The following PAX2 variants were observed in gnomAD, a reference collection of about 807,000 sequenced individuals.
PAX2 encodes the protein paired box 2, also known as paired box protein Pax-2.
In PAX2, 9 loss-of-function variants were observed where a neutral mutation model predicts 41.7. The ratio of observed to expected loss-of-function variants is 0.22; its 90% CI spans 0.13 to 0.38. The LOEUF (loss-of-function observed/expected upper bound fraction) is 0.38. PAX2 is among the 10% of genes least tolerant of loss of function. The pLI, the probability that PAX2 is intolerant of heterozygous loss-of-function variation, is 1.00. For missense variants in PAX2, 418 were observed against 531.6 expected (o/e 0.79, Z 2.10); for synonymous variants, 221 against 212.7 (o/e 1.04, Z -0.34).
At chr10:100,800,748 C>T (rs1316669314) in intron 5 of PAX2, among the ~76,000 whole-genome samples, 1 of 152,118 alleles carries the variant, frequency 6.6e-6, no homozygotes, top group Non-Finnish European at 1.5e-5. Context: ...AGGGCCCTGA[C>T]CTGGGGTGAG....
chr10:100,777,468 C>T (rs1846438805), intron 3 of PAX2, among the ~76,000 whole-genome samples: 1 of 147,106 alleles, frequency 6.8e-6, no homozygotes, highest in Non-Finnish European at 1.5e-5. Context: ...GATCTTGGCT[C>T]ACTGCAACCT....
At chr10:100,795,427 G>A (rs1324857505) in intron 5 of PAX2, among the ~76,000 whole-genome samples, 2 of 152,152 alleles carry the variant, frequency 1.3e-5, no homozygotes, top group Non-Finnish European at 2.9e-5. Flanking sequence ...AAAAACAAAG[G>A]AGCAGTTGCT....
chr10:100,815,225 G>C (rs114988801), intron 7 of PAX2, among the ~76,000 whole-genome samples: 6 of 152,292 alleles, frequency 3.9e-5, no homozygotes, highest in African/African-American at 1.2e-4. Flanking sequence ...GCCAGCCCCC[G>C]GGGGAGGAGA....
At chr10:100,761,051 G>C (rs559161311) in intron 3 of PAX2, among the ~76,000 whole-genome samples, 24 of 152,334 alleles carry the variant, frequency 1.6e-4, no homozygotes, top group African/African-American at 5.5e-4. Flanking sequence ...GACTCCAGAT[G>C]AGAGCGAGGG....
chr10:100,804,627 C>T (rs1025512327), intron 5 of PAX2, among the ~76,000 whole-genome samples: 2 of 152,214 alleles, frequency 1.3e-5, no homozygotes, highest in Non-Finnish European at 2.9e-5. Context: ...CCTCACAGTC[C>T]TCATGCAATC....
rs753431059 is a variant in PAX2, at chr10:100,779,543, T to C, written c.456T>C (p.Asp152=). Residue 152 remains aspartate (D), a synonymous_variant, in exon 4 of 10, where the codon GAT becomes GAC. Coordinates refer to ENST00000355243, the MANE Select transcript of PAX2 (RefSeq NM_000278.5). ...KVQQPFHPTP[D]GAGTGVTAPG... ...AGCAGCCTTTCCACCCAACGCCGGA[T>C]GGGGCTGGGACAGGAGTGACCGCCC... 1.3e-6 allele frequency: 2 copies of C among 1,597,144 alleles called. No homozygotes were observed. The highest frequency in any genetic ancestry group is 2.3e-5 in the South Asian group (2 of 87,362).
chr10:100,796,619 T>G (rs1196472340), intron 5 of PAX2, among the ~76,000 whole-genome samples: 2 of 152,216 alleles, frequency 1.3e-5, no homozygotes, highest in Non-Finnish European at 2.9e-5. Flanking sequence ...CGTGGAATTA[T>G]GGTCTCTTTT....
In PAX2 at chr10:100,775,202, C is replaced by G. The variant is rs1846343275; in HGVS notation, c.411-4296C>G. Among the ~76,000 whole-genome samples the G allele has an allele frequency of 2.6e-5, 4 of 152,192 alleles. No individual in the cohort carries two copies. In the South Asian group the frequency reaches 8.3e-4, roughly 32 times the overall value. ...CCGTGGAGGTTTGATGTGTGTCTGG[C>G]TGTCTTGTGAGGCCAAGTATGAAAA... On this transcript the variant is annotated intron_variant, in intron 3 of 9. Coordinates refer to ENST00000355243, the MANE Select transcript of PAX2 (RefSeq NM_000278.5).
intron 3 of PAX2, among the ~76,000 whole-genome samples, chr10:100,765,871 C>G (rs1846004922): frequency 1.3e-5 from 2 of 152,310 alleles, no homozygotes; most frequent in South Asian, 4.1e-4. Flanking sequence ...TATACACATA[C>G]ACAGGCCAAT....
In PAX2 at chr10:100,746,315, C is replaced by G. The variant is rs762481540; in HGVS notation, c.43+12C>G. ...CTCCGCGATGCACCGTGAGTACCGG[C>G]GCCCGGCTCCTGTCCCGGCTCGGGG... On this transcript the variant is annotated intron_variant, in intron 1 of 9. Transcript: ENST00000355243. 4.5e-6 allele frequency: 7 copies of G among 1,544,622 alleles called. No individual in the cohort carries two copies. The highest frequency in any genetic ancestry group is 6.3e-6 in the Non-Finnish European group (7 of 1,116,992).
At chr10:100,766,890 A>T (rs1846048509) in intron 3 of PAX2, among the ~76,000 whole-genome samples, 1 of 152,230 alleles carries the variant, frequency 6.6e-6, no homozygotes, top group African/African-American at 2.4e-5. Context: ...AATCTCTGAG[A>T]CATACATTAG....
chr10:100,814,109 G>C (rs1848099843), intron 7 of PAX2, among the ~76,000 whole-genome samples: 1 of 152,134 alleles, frequency 6.6e-6, no homozygotes, highest in South Asian at 2.1e-4. Flanking sequence ...AGCACTTTGG[G>C]AGGCCGAGGC....
chr10:100,756,422 C>A (rs1395149606), intron 3 of PAX2, among the ~76,000 whole-genome samples: 1 of 152,196 alleles, frequency 6.6e-6, no homozygotes, highest in African/African-American at 2.4e-5. Flanking sequence ...GTAAAAGTGA[C>A]AAGCATCCAG....
intron 6 of PAX2, among the ~76,000 whole-genome samples, chr10:100,807,287 G>A (rs1847825122): frequency 1.3e-5 from 2 of 151,822 alleles, no homozygotes; most frequent in African/African-American, 4.8e-5. Flanking sequence ...CCATCCACCT[G>A]CTCCCCTCAC....
At chr10:100,811,314 C>T (rs1343224345) in intron 7 of PAX2, among the ~76,000 whole-genome samples, 1 of 152,206 alleles carries the variant, frequency 6.6e-6, no homozygotes, top group Non-Finnish European at 1.5e-5. Flanking sequence ...ATTTTATGTC[C>T]TCCTAATTTG....
rs781523465 is a variant in PAX2 at position 100,827,588 on chromosome 10, C to A, written c.1154C>A (p.Ala385Asp). 29 of 1,613,648 alleles carry A rather than the reference C, an allele frequency of 1.8e-5. No individual in the cohort carries two copies. The highest frequency in any genetic ancestry group is 5.3e-5 in the African/African-American group (4 of 75,054). ...GCCGCCCCCCGGGGCTCCGCCCCTG[C>A]CGCTGCTGCCGCTGCCTATGACCGC... ...YSAAPRGSAPAAAAAAYDRH is the reference protein window; with the variant it reads ...YSAAPRGSAPDAAAAAYDRH Residue 385 changes from alanine (A) to aspartate (D), a missense_variant, in exon 10 of 10, where the codon GCC (alanine) becomes GAC (aspartate). Ala to Asp is a moderately radical substitution (Grantham distance 126). This residue lies in a region of PAX2 where 310 missense variants were observed against 325.2 expected (regional missense o/e 0.95). Coordinates refer to ENST00000355243, the MANE Select transcript of PAX2 (RefSeq NM_000278.5). The surrounding 1 kb of genome is among the most constrained non-coding windows in gnomAD (Gnocchi z 8.5).
chr10:100,813,268 C>T (rs1222330424), intron 7 of PAX2, among the ~76,000 whole-genome samples: 1 of 152,196 alleles, frequency 6.6e-6, no homozygotes, highest in African/African-American at 2.4e-5. Flanking sequence ...CTCTCACCGC[C>T]CTTGTTTTAG....
intron 1 of PAX2, among the ~76,000 whole-genome samples, chr10:100,739,306 C>T (rs976737810): frequency 2.0e-5 from 3 of 152,232 alleles, no homozygotes; most frequent in Non-Finnish European, 2.9e-5. Flanking sequence ...GCAGCCTGTC[C>T]CCGCCTCGGC....
intron 1 of PAX2, chr10:100,749,105 A>G: frequency 1.0e-6 from 1 of 985,582 alleles, no homozygotes; most frequent in East Asian, 1.1e-4. Context: ...CTACAGATAA[A>G]TAACATTAGA....
Sources: allele counts gnomAD v4.1 joint callset (sites outside exome capture counted in the v4.1 genomes callset), GRCh38; gene constraint gnomAD v4.1.1; regional missense constraint gnomAD v4.1.1; non-coding constraint Gnocchi (gnomAD v3.1); transcripts MANE v1.5; gene names NCBI Gene and HGNC (gene_info 2026-07-23, HGNC 2026-07-21).